Variants in CACNG5 observed in about 807,000 individuals in gnomAD.
The protein encoded by CACNG5 is calcium voltage-gated channel auxiliary subunit gamma 5.
A neutral mutation model predicts 24.8 loss-of-function variants in CACNG5; 18 were observed. The observed-to-expected ratio is 0.73, with a 90% CI of 0.50 to 1.08. The LOEUF (loss-of-function observed/expected upper bound fraction) is 1.08, where lower values mean the gene tolerates loss of function less well. CACNG5 is among the 50% of genes least tolerant of loss of function. CACNG5 has a pLI of 0.00. For synonymous variants in CACNG5, 157 were observed against 149.1 expected (o/e 1.05, Z -0.39); for missense variants, 349 against 367.9 (o/e 0.95, Z 0.42).
intron 1 of CACNG5, among the ~76,000 whole-genome samples, chr17:66,846,167 TGCGTTTTTTA>T (rs1976636137): frequency 6.6e-6 from 1 of 152,210 alleles, no homozygotes; most frequent in South Asian, 2.1e-4. Context: ...ACTTTGGGTA[TGCGTTTTTTA>T]AATCGTGGTG....
chr17:66,884,346 A>AGG (rs1168235149), intron 4 of CACNG5, among the ~76,000 whole-genome samples, 170 bp from the exon 5 acceptor site: 1 of 152,114 alleles, frequency 6.6e-6, no homozygotes, highest in Non-Finnish European at 1.5e-5. Flanking sequence ...TGCTGGTCTG[A>AGG]ACAGGGTGCT....
intron 1 of CACNG5, among the ~76,000 whole-genome samples, chr17:66,866,477 G>A (rs979969949): frequency 6.6e-6 from 1 of 151,946 alleles, no homozygotes; most frequent in Admixed American, 6.6e-5. Flanking sequence ...TTAAGTTCCA[G>A]TATACATGTG....
In CACNG5 at chr17:66,884,105, C is replaced by G. The variant is rs970114680; in HGVS notation, c.425-411C>G. 4.6e-4 allele frequency among the ~76,000 whole-genome samples: 69 copies of G among 149,892 alleles called. 1 individual carries two copies. Among genetic ancestry groups the G allele is most frequent in the Non-Finnish European group, 8.6e-4 (58 of 67,726 alleles). On this transcript the variant is annotated intron_variant, in intron 4 of 5. Coordinates refer to ENST00000533854, the MANE Select transcript of CACNG5 (RefSeq NM_145811.3). ...CGAGATCGCGCCATTGCCCTCCAGC[C>G]TAGGCGACAAGAGTGAAAATCCACC...
chr17:66,885,100 C>A lies in CACNG5; in HGVS notation c.688C>A (p.Gln230Lys). ...RLSNCSDYSG[Q>K]FLHPDAWVRG... is the part of the protein sequence containing the mutation. ...GAGCAACTGCTCCGATTACTCAGGC[C>A]AGTTCCTACACCCAGACGCCTGGGT... The change falls in exon 6 of 6, where the codon CAG (glutamine) becomes AAG (lysine). Residue 230 changes from glutamine (Q) to lysine (K), a missense_variant. Coordinates refer to ENST00000533854, the MANE Select transcript of CACNG5 (RefSeq NM_145811.3). 1 of 1,614,246 alleles carries A rather than the reference C, an allele frequency of 6.2e-7. No homozygotes were observed. The highest frequency in any genetic ancestry group is 8.5e-7 in the Non-Finnish European group (1 of 1,180,040).
chr17:66,875,750 A>G (rs72843366), intron 1 of CACNG5, among the ~76,000 whole-genome samples: 9,405 of 152,226 alleles, frequency 0.062, 423 homozygotes, highest in African/African-American at 0.13. Flanking sequence ...CCCAAACATC[A>G]CTAACATCCA....
intron 1 of CACNG5, among the ~76,000 whole-genome samples, chr17:66,868,671 G>A (rs1231637043): frequency 6.6e-6 from 1 of 152,118 alleles, no homozygotes; most frequent in Non-Finnish European, 1.5e-5. Flanking sequence ...CAGTCTCCAG[G>A]TGACACATCC....
chr17:66,837,626 C>A (rs937074999), intron 1 of CACNG5, among the ~76,000 whole-genome samples: 1 of 152,194 alleles, frequency 6.6e-6, no homozygotes, highest in African/African-American at 2.4e-5. Flanking sequence ...GCTTAATATC[C>A]CACCATTAGA....
At chr17:66,864,821 C>T (rs1281795235) in intron 1 of CACNG5, among the ~76,000 whole-genome samples, 3 of 152,236 alleles carry the variant, frequency 2.0e-5, no homozygotes, top group Admixed American at 6.5e-5. Flanking sequence ...CTAAACCAAA[C>T]TCATTGCATT....
chr17:66,847,363 A>T (rs1234605348), intron 1 of CACNG5, among the ~76,000 whole-genome samples: 13 of 152,160 alleles, frequency 8.5e-5, no homozygotes. Context: ...AGAAAAAGAG[A>T]TTTAATGGAC....
Position 66,884,617 on chromosome 17 carries a change from G to T in CACNG5, c.526G>T (p.Gly176Trp), listed in dbSNP as rs1454839390. ...DAETYFNYKY[G>W]WSFAFAAISF... is the part of the protein sequence containing the mutation. ...AGAGACCTACTTCAACTACAAGTAT[G>T]GGTGGTCGTTTGCCTTCGCCGCCAT... is the stretch of plus-strand genomic sequence containing the variant. The change falls in exon 5 of 6, where the codon GGG (glycine) becomes TGG (tryptophan). Residue 176 changes from glycine to tryptophan, a missense_variant. By Grantham distance (184) the Gly-to-Trp change is radical. Transcript: ENST00000533854. 6.2e-7 allele frequency: 1 copy of T among 1,614,134 alleles called. No homozygotes were observed.
intron 5 of CACNG5, 159 bp from the exon 6 acceptor site, chr17:66,884,824 C>G (rs758556869): frequency 6.2e-6 from 10 of 1,613,320 alleles, no homozygotes; most frequent in Non-Finnish European, 8.5e-6. Flanking sequence ...ACTGTCTTAC[C>G]TTTCTGGGTC....
At chr17:66,849,225 G>T (rs1976678314) in intron 1 of CACNG5, among the ~76,000 whole-genome samples, 1 of 152,150 alleles carries the variant, frequency 6.6e-6, no homozygotes, top group Non-Finnish European at 1.5e-5. Flanking sequence ...CCTCCGGATG[G>T]GAACGGCCGT....
chr17:66,840,055 C>T (rs917392472), intron 1 of CACNG5, among the ~76,000 whole-genome samples: 2 of 152,286 alleles, frequency 1.3e-5, no homozygotes, highest in Non-Finnish European at 2.9e-5. Flanking sequence ...TGGCCTTAGA[C>T]GAGCCACAGA....
intron 1 of CACNG5, among the ~76,000 whole-genome samples, chr17:66,854,284 C>CG (rs1186728287): frequency 3.3e-5 from 5 of 151,732 alleles, no homozygotes; most frequent in Non-Finnish European, 7.4e-5. Context: ...AAAAATTAGC[C>CG]GGGCATGGTG....
intron 1 of CACNG5, among the ~76,000 whole-genome samples, chr17:66,875,006 G>A (rs564864604): frequency 4.6e-5 from 7 of 152,202 alleles, no homozygotes; most frequent in South Asian, 2.1e-4. Context: ...CCCACCAGTC[G>A]GCAGCAGCCT....
chr17:66,840,004 G>A (rs901774598), intron 1 of CACNG5, among the ~76,000 whole-genome samples: 9 of 152,222 alleles, frequency 5.9e-5, no homozygotes, highest in East Asian at 1.9e-4. Context: ...GAGCCACACA[G>A]AACTGAGTTC....
chr17:66,839,462 G>A (rs1004385832), intron 1 of CACNG5, among the ~76,000 whole-genome samples: 12 of 152,216 alleles, frequency 7.9e-5, no homozygotes, highest in South Asian at 2.1e-4. Context: ...AGGAGGCTGC[G>A]TGGTGAAGAT....
chr17:66,843,733 G>A (rs1347396078), intron 1 of CACNG5, among the ~76,000 whole-genome samples: 1 of 152,160 alleles, frequency 6.6e-6, no homozygotes, highest in African/African-American at 2.4e-5. Flanking sequence ...AAAGGCAGCT[G>A]GCATAGTAGT....
In CACNG5 at chr17:66,890,196, C is replaced by T. The variant is rs184196816; in HGVS notation, c.*4956C>T. ...TGTCTAATGCACCTGTGCCTGAGGCCCGGCTAGCACTGTGAGTGTGGGTTC... is the reference window on the plus strand; with the variant it reads ...TGTCTAATGCACCTGTGCCTGAGGCTCGGCTAGCACTGTGAGTGTGGGTTC... On this transcript the variant is annotated 3_prime_UTR_variant, in exon 6 of 6. Coordinates refer to ENST00000533854, the MANE Select transcript of CACNG5 (RefSeq NM_145811.3). Among the ~76,000 whole-genome samples, 4 of 152,142 alleles carry T rather than the reference C, an allele frequency of 2.6e-5. No individual in the cohort carries two copies. Among genetic ancestry groups the T allele is most frequent in the African/African-American group, 9.7e-5 (4 of 41,424 alleles).
Sources: gnomAD v4.1 joint callset for allele counts (sites outside exome capture counted in the v4.1 genomes callset) on GRCh38, gnomAD v4.1.1 for gene constraint, MANE v1.5 for transcripts, NCBI Gene and HGNC (gene_info 2026-07-23, HGNC 2026-07-21) for gene names.